The following LRRC37A2 variants were observed in gnomAD, a reference collection of about 807,000 sequenced individuals.
LRRC37A2 encodes the protein leucine-rich repeat-containing protein 37A2.
A neutral mutation model predicts 68.8 loss-of-function variants in LRRC37A2; 9 were observed. That is an observed-to-expected ratio of 0.13 (90% CI 0.08 to 0.23). LRRC37A2 has a LOEUF of 0.23. LRRC37A2 is among the 10% of genes least tolerant of loss of function. LRRC37A2 has a pLI of 1.00. For synonymous variants in LRRC37A2, 63 were observed against 367.6 expected (o/e 0.17, Z 9.48); for missense variants, 168 against 950.4 (o/e 0.18, Z 10.82).
the LRRC37A2 span, among the ~76,000 whole-genome samples, chr17:46,781,000 G>A: frequency 1.3e-5 from 2 of 151,982 alleles, no homozygotes; most frequent in South Asian, 2.1e-4. Context: ...AGGCTGAGGC[G>A]GGTGGATCAC....
chr17:46,938,614 A>C, the LRRC37A2 span: 2 of 1,613,934 alleles, frequency 1.2e-6, no homozygotes, highest in African/African-American at 2.7e-5. Flanking sequence ...TCAGAAGAAG[A>C]TCCTTGACAT....
chr17:46,756,911 A>T, the LRRC37A2 span: 2 of 152,562 alleles, frequency 1.3e-5, no homozygotes, highest in Admixed American at 1.3e-4. Context: ...AGTCCTTTTG[A>T]GGGTGATTTG....
chr17:46,751,871 G>A, the LRRC37A2 span, among the ~76,000 whole-genome samples: 1 of 152,174 alleles, frequency 6.6e-6, no homozygotes, highest in Non-Finnish European at 1.5e-5. Flanking sequence ...CTAGGTCTTA[G>A]AACTAGAAAA....
the LRRC37A2 span, among the ~76,000 whole-genome samples, chr17:46,408,315 A>G: frequency 1.9e-5 from 1 of 53,014 alleles, no homozygotes; most frequent in African/African-American, 4.5e-5. Context: ...AAAAAAAAAA[A>G]AAAAAAAAAA....
the LRRC37A2 span, among the ~76,000 whole-genome samples, chr17:46,751,029 C>T: frequency 4.6e-5 from 7 of 152,060 alleles, no homozygotes; most frequent in Non-Finnish European, 1.0e-4. Context: ...CTGAGTTGTT[C>T]AGCAGTGGTG....
At chr17:47,000,076 A>AAATAAAATAAAAT in the LRRC37A2 span, among the ~76,000 whole-genome samples, 2 of 25,520 alleles carry the variant, frequency 7.8e-5, no homozygotes, top group Non-Finnish European at 1.1e-4. Flanking sequence ...AAATAAAATA[A>AAATAAAATAAAAT]AAAATAAAAT....
At chr17:46,864,421 G>A in the LRRC37A2 span, among the ~76,000 whole-genome samples, 9 of 152,220 alleles carry the variant, frequency 5.9e-5, no homozygotes, top group Non-Finnish European at 7.4e-5. Context: ...TCAAGCACTG[G>A]TATTGTATCA....
chr17:46,818,261 G>T, the LRRC37A2 span, among the ~76,000 whole-genome samples: 13 of 152,012 alleles, frequency 8.6e-5, no homozygotes, highest in African/African-American at 3.1e-4. Flanking sequence ...CTAAGAATAA[G>T]AAACCTTCTG....
chr17:46,875,483 A>G, the LRRC37A2 span: 2 of 1,359,120 alleles, frequency 1.5e-6, no homozygotes, highest in Non-Finnish European at 2.0e-6. Context: ...CGTGAACTTC[A>G]TAAAGGCAGG....
the LRRC37A2 span, among the ~76,000 whole-genome samples, chr17:46,974,748 A>G: frequency 1.2e-3 from 173 of 147,150 alleles, 3 homozygotes; most frequent in Non-Finnish European, 1.2e-3. Context: ...AAAAAAAAAA[A>G]AGGTCATCTC....
the LRRC37A2 span, among the ~76,000 whole-genome samples, chr17:46,956,316 G>A: frequency 1.2e-5 from 1 of 81,306 alleles, no homozygotes; most frequent in Admixed American, 2.0e-4. Context: ...TTGAGACAGA[G>A]TTTCGCTTTT....
chr17:46,805,055 C>T, the LRRC37A2 span, among the ~76,000 whole-genome samples: 110 of 152,090 alleles, frequency 7.2e-4, no homozygotes, highest in African/African-American at 2.5e-3. Flanking sequence ...TAACACTCAC[C>T]GCAAAGGTAC....
At chr17:46,901,890 T>C in the LRRC37A2 span, among the ~76,000 whole-genome samples, 2 of 144,758 alleles carry the variant, frequency 1.4e-5, no homozygotes, top group Non-Finnish European at 3.0e-5. Context: ...CACTGCAACC[T>C]CCATCTCCCA....
the LRRC37A2 span, among the ~76,000 whole-genome samples, chr17:47,014,960 G>A: frequency 3.3e-5 from 5 of 150,218 alleles, no homozygotes; most frequent in Non-Finnish European, 4.4e-5. Flanking sequence ...TGGTGGTTCC[G>A]TAAGCGTATA....
the LRRC37A2 span, among the ~76,000 whole-genome samples, chr17:46,848,346 T>C: frequency 6.6e-6 from 1 of 152,228 alleles, no homozygotes; most frequent in East Asian, 1.9e-4. Context: ...ACCAGGGTTA[T>C]AAGCTGAAAA....
At chr17:46,657,052 C>T in the LRRC37A2 span, among the ~76,000 whole-genome samples, 1 of 29,522 alleles carries the variant, frequency 3.4e-5, no homozygotes, top group Admixed American at 3.4e-4. Flanking sequence ...CTACAACATT[C>T]TTTATTTTGT....
At chr17:46,681,681 G>T in the LRRC37A2 span, among the ~76,000 whole-genome samples, 1 of 94,070 alleles carries the variant, frequency 1.1e-5, no homozygotes, top group African/African-American at 4.5e-5. Context: ...CTTTAAGTCT[G>T]CTTGTTGGGT....
At chr17:47,021,838 G>A in the LRRC37A2 span, 1 of 1,473,656 alleles carries the variant, frequency 6.8e-7, no homozygotes, top group Non-Finnish European at 9.5e-7. Context: ...TATAAACTGT[G>A]TTTCTTCACA....
the LRRC37A2 span, among the ~76,000 whole-genome samples, chr17:46,800,512 G>C: frequency 8.6e-6 from 1 of 116,678 alleles, no homozygotes; most frequent in Admixed American, 8.3e-5. Context: ...GCCCTCAGGG[G>C]CTGACTCTTA....
Sources: gnomAD v4.1 joint callset for allele counts (sites outside exome capture counted in the v4.1 genomes callset) on GRCh38, gnomAD v4.1.1 for gene constraint, MANE v1.5 for transcripts, NCBI Gene and HGNC (gene_info 2026-07-23, HGNC 2026-07-21) for gene names.